Variants in CACNA2D1 observed in about 807,000 individuals in gnomAD.
CACNA2D1 encodes calcium voltage-gated channel auxiliary subunit alpha2delta 1.
A neutral mutation model predicts 171.5 loss-of-function variants in CACNA2D1; 53 were observed. That is an observed-to-expected ratio of 0.31 (90% CI 0.25 to 0.39). CACNA2D1 has a LOEUF of 0.39. CACNA2D1 is among the 10% of genes least tolerant of loss of function. CACNA2D1 has a pLI of 1.00. For synonymous variants in CACNA2D1, 442 were observed against 443.1 expected (o/e 1.00, Z 0.03); for missense variants, 903 against 1,299.8 (o/e 0.69, Z 4.69).
chr7:82,254,415 A>G (rs1486273747), intron 3 of CACNA2D1, among the ~76,000 whole-genome samples: 3 of 152,074 alleles, frequency 2.0e-5, no homozygotes, highest in African/African-American at 4.8e-5. Context: ...TGTATAACTG[A>G]TAAGTAAAAA....
chr7:82,208,075 TC>T (rs1800191906), intron 3 of CACNA2D1, among the ~76,000 whole-genome samples: 1 of 152,170 alleles, frequency 6.6e-6, no homozygotes, highest in Non-Finnish European at 1.5e-5. Context: ...AAGGTGGCTG[TC>T]ACTTTATACA....
chr7:82,205,553 A>T (rs940870252), intron 3 of CACNA2D1, among the ~76,000 whole-genome samples: 14 of 84,460 alleles, frequency 1.7e-4, no homozygotes, highest in East Asian at 8.8e-4. Context: ...TTACCTTTTT[A>T]AAAAAAAATT....
Position 82,003,760 on chromosome 7 carries a change from T to C in CACNA2D1, c.1590+1663A>G, listed in dbSNP as rs1285626202. On this transcript the variant is annotated intron_variant, in intron 18 of 38. Coordinates refer to ENST00000356860, the MANE Select transcript of CACNA2D1 (RefSeq NM_000722.4). The stretch of plus-strand genomic sequence containing the variant: ...ATCACATTACTTTTTTTTTTTTTTT[T>C]TGAGATGGAGTTTCGCTCTTGTTGC... Among the ~76,000 whole-genome samples, 2 of 151,080 alleles carry C rather than the reference T, an allele frequency of 1.3e-5. 1 individual carries two copies. Among genetic ancestry groups the C allele is most frequent in the Non-Finnish European group, 3.0e-5 (2 of 67,656 alleles).
intron 12 of CACNA2D1, among the ~76,000 whole-genome samples, chr7:82,031,711 C>T (rs1367394367): frequency 6.6e-6 from 1 of 151,970 alleles, no homozygotes; most frequent in South Asian, 2.1e-4. Flanking sequence ...TCAAACTGTT[C>T]GCCATTATTC....
At chr7:82,083,431 A>G (rs1258244245) in intron 7 of CACNA2D1, among the ~76,000 whole-genome samples, 2 of 151,724 alleles carry the variant, frequency 1.3e-5, no homozygotes, top group Admixed American at 6.6e-5. Context: ...GTTGTCTTAT[A>G]TAAGTATTAT....
intron 3 of CACNA2D1, among the ~76,000 whole-genome samples, chr7:82,300,036 G>T (rs911735549): frequency 1.3e-5 from 2 of 152,110 alleles, no homozygotes; most frequent in African/African-American, 4.8e-5. Context: ...ACCGATCTGT[G>T]ATCATTGCTC....
intron 5 of CACNA2D1, among the ~76,000 whole-genome samples, chr7:82,126,384 G>A (rs1475887632): frequency 6.6e-6 from 1 of 152,126 alleles, no homozygotes; most frequent in Non-Finnish European, 1.5e-5. Flanking sequence ...TTAAGCAACA[G>A]ATGACATGAT....
intron 15 of CACNA2D1, among the ~76,000 whole-genome samples, chr7:82,010,245 A>G (rs1251481165): frequency 6.6e-6 from 1 of 152,100 alleles, no homozygotes; most frequent in Non-Finnish European, 1.5e-5. Context: ...TTTGACCAAC[A>G]TATATTTTTA....
intron 3 of CACNA2D1, among the ~76,000 whole-genome samples, chr7:82,232,861 CAAAAAAAAAAAAAAAAAA>C (rs71093370): frequency 9.5e-5 from 5 of 52,412 alleles, no homozygotes; most frequent in East Asian, 7.4e-4. Context: ...GAGATGTCTC[CAAAAAAAAAAAAAAAAAA>C]AAAAAAAAAA....
At position 82,062,758 on chromosome 7, in the gene CACNA2D1, T is replaced by G. The variant is rs13231554; in HGVS notation, c.779+1546A>C. Among the ~76,000 whole-genome samples, 305 of 123,534 alleles carry G rather than the reference T, an allele frequency of 2.5e-3. 1 individual carries two copies. Among genetic ancestry groups the G allele is most frequent in the African/African-American group, 0.011 (286 of 26,734 alleles). The allele number at this position is 123,534 out of a possible 152,430, so 81.0% of individuals were successfully genotyped here. On this transcript the variant is annotated intron_variant, in intron 9 of 38. Transcript: ENST00000356860. Reference sequence around the variant, plus strand: ...TTTTTTTTTTTTTTTTTTTTTTTTTTTGAGACAAGCTCTTGCTCTGTTGCC... The same window carrying G: ...TTTTTTTTTTTTTTTTTTTTTTTTTGTGAGACAAGCTCTTGCTCTGTTGCC...
intron 3 of CACNA2D1, among the ~76,000 whole-genome samples, chr7:82,218,521 C>A (rs1801417092): frequency 6.6e-6 from 1 of 152,036 alleles, no homozygotes; most frequent in Non-Finnish European, 1.5e-5. Context: ...AATAATGACA[C>A]CTTACTATAA....
At chr7:82,234,989 T>C (rs1009217161) in intron 3 of CACNA2D1, among the ~76,000 whole-genome samples, 3 of 152,126 alleles carry the variant, frequency 2.0e-5, no homozygotes, top group African/African-American at 4.8e-5. Context: ...ATTTATCACT[T>C]GGGAAATAAT....
At position 82,087,560 on chromosome 7, in the gene CACNA2D1, T is replaced by TA. The variant is rs34472151; in HGVS notation, c.527-2661dup. 8.6e-3 allele frequency among the ~76,000 whole-genome samples: 1,243 copies of TA among 144,800 alleles called. 16 individuals carry two copies. The highest frequency in any genetic ancestry group is 0.028 in the African/African-American group (1,113 of 39,450). The allele number at this position is 144,800 out of a possible 152,430, so 95.0% of individuals were successfully genotyped here. A position where few individuals can be genotyped will look rare whatever the true frequency, so the allele number is the denominator to read the frequency against. On this transcript the variant is annotated intron_variant, in intron 6 of 38. Transcript: ENST00000356860. Reference sequence around the variant, plus strand: ...TTTCTCAAATAATATTGAAAGCAGCTAAAAAAAAAAAAAAAATGGAAAAGA... The same window carrying TA: ...TTTCTCAAATAATATTGAAAGCAGCTAAAAAAAAAAAAAAAAATGGAAAAGA...
chr7:82,443,088 G>T (rs1409693751), intron 1 of CACNA2D1, among the ~76,000 whole-genome samples: 1 of 152,172 alleles, frequency 6.6e-6, no homozygotes, highest in Non-Finnish European at 1.5e-5. Flanking sequence ...CGTTAGAGAC[G>T]GGCTGAGACG....
At chr7:81,953,329 A>G (rs1792826765) in intron 38 of CACNA2D1, among the ~76,000 whole-genome samples, 1 of 151,994 alleles carries the variant, frequency 6.6e-6, no homozygotes, top group South Asian at 2.1e-4. Flanking sequence ...CAAAATCTAC[A>G]TTCTTTATTG....
upstream of CACNA2D1, chr7:82,443,825 AAGGCGG>A: frequency 1.5e-6 from 1 of 684,982 alleles, no homozygotes; most frequent in African/African-American, 1.9e-5. Flanking sequence ...TGCCGAGGCG[AAGGCGG>A]AGGCGGGGGC....
At chr7:82,218,626 T>A (rs543548519) in intron 3 of CACNA2D1, among the ~76,000 whole-genome samples, 13 of 152,316 alleles carry the variant, frequency 8.5e-5, no homozygotes, top group African/African-American at 3.1e-4. Flanking sequence ...AGAACCAAGA[T>A]GAGTGATCTA....
intron 22 of CACNA2D1, 98 bp from the exon 23 acceptor site, chr7:81,983,432 G>C: frequency 1.1e-6 from 1 of 894,096 alleles, no homozygotes; most frequent in Non-Finnish European, 1.8e-6. Context: ...TGACTTTCTT[G>C]AATAAAAATA....
intron 3 of CACNA2D1, among the ~76,000 whole-genome samples, chr7:82,312,509 CTT>C (rs557443177): frequency 4.2e-3 from 498 of 118,960 alleles, no homozygotes; most frequent in African/African-American, 0.01. Context: ...TTAACTGAAA[CTT>C]TTTTTTTTTT....
Sources: allele counts gnomAD v4.1 joint callset (sites outside exome capture counted in the v4.1 genomes callset), GRCh38; gene constraint gnomAD v4.1.1; transcripts MANE v1.5; gene names NCBI Gene and HGNC (gene_info 2026-07-23, HGNC 2026-07-21).